Variants in HACE1 observed in about 807,000 individuals in gnomAD.
The protein encoded by HACE1 is HECT domain and ankyrin repeat containing E3 ubiquitin protein ligase 1.
In HACE1, 73 loss-of-function variants were observed where a neutral mutation model predicts 118.4. That is an observed-to-expected ratio of 0.62 (90% CI 0.51 to 0.75). The LOEUF (loss-of-function observed/expected upper bound fraction) is 0.75. Ranked by LOEUF, HACE1 falls within the 30% of genes least tolerant of loss-of-function variation. HACE1 has a pLI of 0.00. For missense variants in HACE1, 749 were observed against 1,102.2 expected, an observed-to-expected ratio of 0.68 and a Z score of 4.54; for synonymous variants, 368 against 374.8, an observed-to-expected ratio of 0.98 and a Z score of 0.21.
At chr6:104,859,218 A>T (rs935005409) in intron 1 of HACE1, among the ~76,000 whole-genome samples, 2 of 151,938 alleles carry the variant, frequency 1.3e-5, no homozygotes, top group African/African-American at 4.8e-5. Context: ...CTGTTAAATG[A>T]CCCGCAATTA....
At chr6:104,780,337 A>G (rs1781599431) in intron 14 of HACE1, 1 of 450,672 alleles carries the variant, frequency 2.2e-6, no homozygotes, top group Non-Finnish European at 4.4e-6. Context: ...TTTTGTATGT[A>G]AACTTTCTAG....
At chr6:104,829,556 G>A (rs1773655059) in intron 6 of HACE1, among the ~76,000 whole-genome samples, 1 of 152,134 alleles carries the variant, frequency 6.6e-6, no homozygotes, top group African/African-American at 2.4e-5. Context: ...AATAATCAGT[G>A]CTAAGCATTC....
At chr6:104,780,265 T>C (rs911372190) in intron 14 of HACE1, 3 of 343,750 alleles carry the variant, frequency 8.7e-6, no homozygotes, top group African/African-American at 6.6e-5. Context: ...ACTGCTACCT[T>C]CAAAAGCTCA....
At chr6:104,764,607 ACTT>A (rs59148481) in intron 19 of HACE1, among the ~76,000 whole-genome samples, 54,081 of 151,712 alleles carry the variant, frequency 0.36, 9,774 homozygotes, top group African/African-American at 0.43. Context: ...ATCTATAGGC[ACTT>A]CTTCTTCAGT....
At chr6:104,821,324 CT>C (rs1203650078) in intron 6 of HACE1, among the ~76,000 whole-genome samples, 1 of 151,886 alleles carries the variant, frequency 6.6e-6, no homozygotes, top group Non-Finnish European at 1.5e-5. Flanking sequence ...ATTTGTACCC[CT>C]GAACTCAAAA....
At chr6:104,837,022 G>T (rs953861723) in intron 5 of HACE1, among the ~76,000 whole-genome samples, 3 of 152,136 alleles carry the variant, frequency 2.0e-5, no homozygotes, top group African/African-American at 7.2e-5. Context: ...GAGATATACT[G>T]TGTTTATGGA....
At position 104,796,639 on chromosome 6, in the gene HACE1, A is replaced by G. The variant is rs752329130; in HGVS notation, c.816+16T>C. 1.7e-6 allele frequency: 2 copies of G among 1,184,718 alleles called. No individual in the cohort carries two copies. Among genetic ancestry groups the G allele is most frequent in the South Asian group, 1.2e-5 (1 of 82,102 alleles). 73.4% of individuals were successfully genotyped at this position (1,184,718 alleles called of 1,614,324 possible). A position where few individuals can be genotyped will look rare whatever the true frequency, so the allele number is the denominator to read the frequency against. On this transcript the variant is annotated intron_variant, in intron 9 of 23. Coordinates refer to ENST00000262903, the MANE Select transcript of HACE1 (RefSeq NM_020771.4). ...AAAGCTTCTTCATTTACAAGCTACT[A>G]TCACAAATACAATACCATGTTTTCT...
At chr6:104,835,205 TAG>T (rs1160955719) in intron 5 of HACE1, among the ~76,000 whole-genome samples, 2 of 152,190 alleles carry the variant, frequency 1.3e-5, no homozygotes, top group Non-Finnish European at 2.9e-5. Flanking sequence ...CTGAAGCCTC[TAG>T]TGAACAAAGC....
chr6:104,839,604 G>C (rs573627710), intron 5 of HACE1, among the ~76,000 whole-genome samples: 3 of 152,280 alleles, frequency 2.0e-5, no homozygotes, highest in African/African-American at 7.2e-5. Context: ...GACTATGGTG[G>C]TGAAAACCTA....
At chr6:104,812,208 T>C (rs1562428814) in intron 6 of HACE1, among the ~76,000 whole-genome samples, 1 of 152,064 alleles carries the variant, frequency 6.6e-6, no homozygotes, top group Non-Finnish European at 1.5e-5. Flanking sequence ...ACATAAAACA[T>C]GAGGCAATAG....
intron 19 of HACE1, among the ~76,000 whole-genome samples, chr6:104,768,139 A>G (rs533250521): frequency 1.1e-4 from 16 of 152,258 alleles, no homozygotes; most frequent in African/African-American, 3.9e-4. Context: ...ATTTTCATCT[A>G]TTTGGTTTCA....
At chr6:104,811,273 T>TGA (rs56258201) in intron 7 of HACE1, 38 bp downstream of exon 7, 1 of 585,444 alleles carries the variant, frequency 1.7e-6, no homozygotes, top group Non-Finnish European at 3.2e-6. Context: ...TATATATATA[T>TGA]GAGCATATAT....
intron 18 of HACE1, 52 bp from the exon 19 acceptor site, chr6:104,771,441 C>T: frequency 8.5e-7 from 1 of 1,176,294 alleles, no homozygotes; most frequent in African/African-American, 1.5e-5. Flanking sequence ...CTTCCCTTAT[C>T]TATTTAATGG....
chr6:104,779,557 A>G lies in HACE1; in HGVS notation c.1567-2240T>C, dbSNP rs1218906684. On this transcript the variant is annotated intron_variant, in intron 14 of 23. Transcript: ENST00000262903. ...ATGCATTACTGTGCATATAAATTAA[A>G]TATCTCATTTTCAGTTAACAAGCTG... 3.9e-5 allele frequency among the ~76,000 whole-genome samples: 6 copies of G among 152,270 alleles called. No individual in the cohort carries two copies. In the East Asian group the frequency reaches 1.2e-3, roughly 29 times the overall value.
rs977865898 is a variant in HACE1, at chr6:104,728,403, T to C, written c.*1259A>G. The C allele has an allele frequency of 3.3e-5, 5 of 152,168 alleles. No individual in the cohort carries two copies. Among genetic ancestry groups the C allele is most frequent in the Admixed American group, 6.5e-5 (1 of 15,270 alleles). 9.4% of individuals were successfully genotyped at this position (152,168 alleles called of 1,614,324 possible). A position where few individuals can be genotyped will look rare whatever the true frequency, so the allele number is the denominator to read the frequency against. On this transcript the variant is annotated 3_prime_UTR_variant, in exon 24 of 24. Transcript: ENST00000262903. ...AATTCCTAAATTTCATGTAATCTGTTAAGATATATTTTGTTAACATTTAGA... is the reference window on the plus strand; with the variant it reads ...AATTCCTAAATTTCATGTAATCTGTCAAGATATATTTTGTTAACATTTAGA...
intron 4 of HACE1, among the ~76,000 whole-genome samples, chr6:104,843,532 A>G (rs1442637625): frequency 2.6e-5 from 4 of 152,218 alleles, no homozygotes; most frequent in Non-Finnish European, 4.4e-5. Flanking sequence ...TCAGGTTTTC[A>G]TATCATTGGG....
chr6:104,848,992 A>C, intron 4 of HACE1, 150 bp downstream of exon 4: 1 of 591,842 alleles, frequency 1.7e-6, no homozygotes, highest in Non-Finnish European at 3.0e-6. Flanking sequence ...TTTGAGAGAC[A>C]AAAAAAATAT....
rs113108775 is a variant in HACE1 at position 104,796,783 on chromosome 6, G to A, written c.715-27C>T. 127 of 1,364,884 alleles carry A rather than the reference G, an allele frequency of 9.3e-5. No individual in the cohort carries two copies. The African/African-American group carries it at 1.6e-3, about 17-fold the overall frequency. The allele number at this position is 1,364,884 out of a possible 1,614,324, so 84.5% of individuals were successfully genotyped here. ...TAAAAACAAGATCTAAAATTATCCA[G>A]GTTTAAAAACAGTCCCTTTTAAAGT... On this transcript the variant is annotated intron_variant, in intron 8 of 23. Transcript: ENST00000262903.
At chr6:104,844,123 C>T (rs1007428210) in intron 4 of HACE1, among the ~76,000 whole-genome samples, 1 of 145,564 alleles carries the variant, frequency 6.9e-6, no homozygotes, top group South Asian at 2.2e-4. Context: ...CTGCAACCTC[C>T]GCCTCCCAGG....
Sources: allele counts gnomAD v4.1 joint callset (sites outside exome capture counted in the v4.1 genomes callset), GRCh38; gene constraint gnomAD v4.1.1; transcripts MANE v1.5; gene names NCBI Gene and HGNC (gene_info 2026-07-23, HGNC 2026-07-21).